Variants in TMPRSS9 observed in about 807,000 individuals in gnomAD.
TMPRSS9 encodes transmembrane serine protease 9.
TMPRSS9 carries 113 observed loss-of-function variants against 111.4 expected under a neutral mutation model. The ratio of observed to expected loss-of-function variants is 1.01; its 90% CI spans 0.87 to 1.19. TMPRSS9 has a LOEUF of 1.19. Among genes scored for constraint, TMPRSS9 ranks in the 50% most tolerant of loss-of-function variants. The pLI, the probability that TMPRSS9 is intolerant of heterozygous loss-of-function variation, is 0.00. For synonymous variants in TMPRSS9, 805 were observed against 659.1 expected (o/e 1.22, Z -3.39); for missense variants, 1,803 against 1,513.1 (o/e 1.19, Z -3.18).
chr19:2,416,782 G>A lies in TMPRSS9; in HGVS notation c.1990G>A (p.Gly664Arg), dbSNP rs200406114. Residue 664 changes from glycine (G) to arginine (R), a missense_variant, in exon 12 of 18, where the codon GGA becomes AGA. By Grantham distance (125) the Gly-to-Arg change is moderately radical. Transcript: ENST00000648592. Reference sequence around the variant, plus strand: ...TGTGGGCCGGAAGTGCATGATCTCCGGATGGGGAAATACGCAGGAAGGAAA... The same window carrying A: ...TGTGGGCCGGAAGTGCATGATCTCCAGATGGGGAAATACGCAGGAAGGAAA... The A allele has an allele frequency of 1.4e-5, 22 of 1,611,622 alleles. No individual in the cohort carries two copies. The highest frequency in any genetic ancestry group is 1.1e-4 in the East Asian group (5 of 44,878).
chr19:2,360,763 G>A (rs1970188425), intron 1 of TMPRSS9, among the ~76,000 whole-genome samples: 1 of 151,928 alleles, frequency 6.6e-6, no homozygotes, highest in Non-Finnish European at 1.5e-5. Flanking sequence ...CCGGGGTTGT[G>A]TGGACTCAGG....
chr19:2,390,243 G>C (rs55813362), intron 1 of TMPRSS9, among the ~76,000 whole-genome samples: 20 of 129,022 alleles, frequency 1.6e-4, no homozygotes, highest in East Asian at 1.4e-3. Context: ...TTTTTTTTTT[G>C]TTTTTTTTTT....
chr19:2,411,361 CTTCTGCTGT>C (rs1285777033), intron 9 of TMPRSS9, among the ~76,000 whole-genome samples: 1 of 137,708 alleles, frequency 7.3e-6, no homozygotes, highest in Non-Finnish European at 1.5e-5. Flanking sequence ...TCCAAAGCTG[CTTCTGCTGT>C]ATACCTGGAA....
chr19:2,366,400 C>T (rs1051009554), intron 1 of TMPRSS9, among the ~76,000 whole-genome samples: 1 of 152,108 alleles, frequency 6.6e-6, no homozygotes, highest in Admixed American at 6.5e-5. Flanking sequence ...TGGGACCTGC[C>T]GTCCTGTGTA....
At chr19:2,405,343 G>A (rs1288847241) in intron 6 of TMPRSS9, 31 bp from the exon 8 acceptor site, 1 of 1,559,944 alleles carries the variant, frequency 6.4e-7, no homozygotes, top group Non-Finnish European at 8.6e-7. Context: ...TGCCTTCGTG[G>A]GGTCATGGCT....
rs926246547 is a variant in TMPRSS9 at position 2,411,851 on chromosome 19, C to T, written c.1254+1457C>T. On this transcript the variant is annotated intron_variant, in intron 9 of 17. Coordinates refer to ENST00000648592, the Ensembl canonical transcript of TMPRSS9. ...ACAGGTGTGAGCCACCAGGCCCGGC[C>T]GACAATTATAATTTTTGTTTTCAAG... 6.6e-5 allele frequency among the ~76,000 whole-genome samples: 10 copies of T among 152,124 alleles called. No individual in the cohort carries two copies. In the East Asian group the frequency reaches 7.7e-4, roughly 12 times the overall value.
At chr19:2,408,504 G>C in exon 8 of TMPRSS9, 2 of 1,613,910 alleles carry the variant, frequency 1.2e-6, no homozygotes. Context: ...GGCTGTGCTG[G>C]AGCTGACCAG....
exon 7 of TMPRSS9, chr19:2,405,468 A>G: frequency 6.2e-7 from 1 of 1,608,782 alleles, no homozygotes; most frequent in Non-Finnish European, 8.5e-7. Context: ...CCAGCCTTCG[A>G]GAGAACAAGG....
At chr19:2,416,039 A>C (rs1485111094) in intron 11 of TMPRSS9, among the ~76,000 whole-genome samples, 198 bp downstream of exon 12, 2 of 151,854 alleles carry the variant, frequency 1.3e-5, no homozygotes, top group Non-Finnish European at 2.9e-5. Flanking sequence ...GGGGAGGGGG[A>C]GGAGGGTTCC....
At chr19:2,413,350 G>A (rs1599306622) in intron 9 of TMPRSS9, among the ~76,000 whole-genome samples, 2 of 152,286 alleles carry the variant, frequency 1.3e-5, no homozygotes, top group East Asian at 1.9e-4. Flanking sequence ...GGAGGCACCC[G>A]CGTGGCAGCC....
chr19:2,400,778 A>C (rs1440844085), intron 4 of TMPRSS9, among the ~76,000 whole-genome samples: 1 of 150,420 alleles, frequency 6.6e-6, no homozygotes, highest in Non-Finnish European at 1.5e-5. Flanking sequence ...GTTTGAGACC[A>C]GCCGGGCCAA....
rs746874020 is a variant in TMPRSS9, at chr19:2,424,076, G to C, written c.2549-13G>C. 2.4e-5 allele frequency: 30 copies of C among 1,264,416 alleles called. No individual in the cohort carries two copies. The highest frequency in any genetic ancestry group is 1.7e-4 in the Admixed American group (4 of 23,990). The allele number at this position is 1,264,416 out of a possible 1,614,324, so 78.3% of individuals were successfully genotyped here. A position where few individuals can be genotyped will look rare whatever the true frequency, so the allele number is the denominator to read the frequency against. On this transcript the variant is annotated splice_polypyrimidine_tract_variant and intron_variant, in intron 14 of 17. Coordinates refer to ENST00000648592, the Ensembl canonical transcript of TMPRSS9. ...CCTGGGTCCGCCTGCCCACGCGCCT[G>C]GCTCCCCCGCAGACTGTGGCCTGGC...
intron 13 of TMPRSS9, 94 bp downstream of exon 14, chr19:2,418,232 T>C: frequency 8.1e-7 from 1 of 1,235,550 alleles, no homozygotes; most frequent in South Asian, 1.5e-5. Context: ...TAGATTTTTT[T>C]CCTTTCTTTC....
intron 5 of TMPRSS9, among the ~76,000 whole-genome samples, chr19:2,402,770 T>C (rs957015386): frequency 6.7e-6 from 1 of 149,280 alleles, no homozygotes; most frequent in African/African-American, 2.4e-5. Flanking sequence ...AAAATAAAAA[T>C]AAATAAAATA....
rs561792390 is a variant in TMPRSS9 at position 2,416,524 on chromosome 19, C to T, written c.1746-14C>T. On this transcript the variant is annotated splice_polypyrimidine_tract_variant and intron_variant, in intron 11 of 17. Coordinates refer to ENST00000648592, the Ensembl canonical transcript of TMPRSS9. ...GCTGGAGGGCAGGCATGTCTGAGGG[C>T]CCTGTCTCCATAGCACGAAGGTGGA... 2.2e-5 allele frequency: 35 copies of T among 1,597,124 alleles called. No homozygotes were observed. The African/African-American group carries it at 3.5e-4, about 16-fold the overall frequency.
upstream of TMPRSS9, among the ~76,000 whole-genome samples, chr19:2,385,249 CAGG>C (rs1970455816): frequency 6.6e-6 from 1 of 150,922 alleles, no homozygotes; most frequent in African/African-American, 2.4e-5. Flanking sequence ...GCTTGAATCC[CAGG>C]AGGAGGGATC....
At chr19:2,379,627 T>TTCTTTCTTTCTA (rs1555676520) in intron 1 of TMPRSS9, among the ~76,000 whole-genome samples, 31 of 140,278 alleles carry the variant, frequency 2.2e-4, no homozygotes, top group African/African-American at 8.6e-4. Context: ...CTTTCTTTCT[T>TTCTTTCTTTCTA]TCTTTCTTTC....
At chr19:2,423,186 T>G (rs2145419100) in intron 14 of TMPRSS9, among the ~76,000 whole-genome samples, 1 of 151,430 alleles carries the variant, frequency 6.6e-6, no homozygotes, top group South Asian at 2.1e-4. Context: ...GCCTGGGGGC[T>G]CTCACTTTCT....
chr19:2,408,429 C>T lies in TMPRSS9; in HGVS notation c.916C>T (p.Arg306Trp), dbSNP rs142962468. The T allele has an allele frequency of 2.1e-3, 3,320 of 1,613,822 alleles. 12 individuals are homozygous for T. The highest frequency in any genetic ancestry group is 2.4e-3 in the Non-Finnish European group (2,775 of 1,179,986). The change falls in exon 8 of 18, where the codon CGG becomes TGG. Residue 306 changes from arginine (R) to tryptophan (W), a missense_variant. Transcript: ENST00000648592. ...CAGCGGCTCGGAGGCCAGCACCGTG[C>T]GGGCCCAGGTGGTCCAGATCGTCAA...
Sources: allele counts gnomAD v4.1 joint callset (sites outside exome capture counted in the v4.1 genomes callset), GRCh38; gene constraint gnomAD v4.1.1; transcripts MANE v1.5; gene names NCBI Gene and HGNC (gene_info 2026-07-23, HGNC 2026-07-21).